The following MYT1L variants were observed in gnomAD, a reference collection of about 807,000 sequenced individuals.
The protein encoded by MYT1L is myelin transcription factor 1-like protein.
In MYT1L, 12 loss-of-function variants were observed where a neutral mutation model predicts 126.7. The ratio of observed to expected loss-of-function variants is 0.09; its 90% CI spans 0.06 to 0.15. The LOEUF (loss-of-function observed/expected upper bound fraction) is 0.15. Ranked by LOEUF, MYT1L falls within the 10% of genes least tolerant of loss-of-function variation. The pLI is 1.00. For missense variants in MYT1L, 979 were observed against 1,585.2 expected, an observed-to-expected ratio of 0.62 and a Z score of 6.49; for synonymous variants, 541 against 604.2, an observed-to-expected ratio of 0.90 and a Z score of 1.53.
rs2094067154 is a variant in MYT1L, at chr2:2,228,265, G to A, written c.-420-55277C>T. ...TCATTTAGCTTCATAATTACCTTAAGAGCACAAAGATGCAAAAGTCCATCA... is the reference window on the plus strand; with the variant it reads ...TCATTTAGCTTCATAATTACCTTAAAAGCACAAAGATGCAAAAGTCCATCA... On this transcript the variant is annotated intron_variant, in intron 2 of 24. Transcript: ENST00000647738. The surrounding 1 kb of genome is among the most constrained non-coding windows in gnomAD (Gnocchi z 5.9). 6.6e-6 allele frequency among the ~76,000 whole-genome samples: 1 copy of A among 152,082 alleles called. No homozygotes were observed. Among genetic ancestry groups the A allele is most frequent in the Non-Finnish European group, 1.5e-5 (1 of 68,026 alleles).
At chr2:2,208,327 G>A (rs919600421) in intron 2 of MYT1L, among the ~76,000 whole-genome samples, 11 of 152,102 alleles carry the variant, frequency 7.2e-5, no homozygotes, top group South Asian at 6.2e-4. Context: ...GAAATGTGGC[G>A]GTAAACGTGT....
chr2:2,045,495 G>A (rs2068068499), intron 4 of MYT1L, among the ~76,000 whole-genome samples: 1 of 152,200 alleles, frequency 6.6e-6, no homozygotes, highest in African/African-American at 2.4e-5. Context: ...ACCTGCTCAT[G>A]AAACTGTATT....
At chr2:1,850,711 G>A (rs144156906) in intron 19 of MYT1L, among the ~76,000 whole-genome samples, 28 of 152,158 alleles carry the variant, frequency 1.8e-4, no homozygotes, top group Admixed American at 1.5e-3. Flanking sequence ...CATCAGTGTC[G>A]GAGCATTTGG....
chr2:1,875,158 T>C (rs768941998), intron 18 of MYT1L, among the ~76,000 whole-genome samples: 7 of 152,206 alleles, frequency 4.6e-5, no homozygotes, highest in Non-Finnish European at 1.0e-4. Context: ...GCTTCTATGT[T>C]CCGGCGCAGG....
At chr2:1,881,700 C>T (rs1347161911) in intron 18 of MYT1L, among the ~76,000 whole-genome samples, 1 of 152,064 alleles carries the variant, frequency 6.6e-6, no homozygotes, top group Non-Finnish European at 1.5e-5. Context: ...GGGGAGGTGG[C>T]CACCACTGGG....
rs73179789 is a variant in MYT1L at position 2,283,149 on chromosome 2, C to T, written c.-421+1255G>A. 7.1e-3 allele frequency among the ~76,000 whole-genome samples: 1,082 copies of T among 152,282 alleles called. 15 individuals carry two copies. Among genetic ancestry groups the T allele is most frequent in the African/African-American group, 0.025 (1,033 of 41,560 alleles). On this transcript the variant is annotated intron_variant, in intron 2 of 24. Coordinates refer to ENST00000647738, the MANE Select transcript of MYT1L (RefSeq NM_001303052.2). ...AAGGGAAAAAGGAGTAAAGAACAAA[C>T]GGCACAGTTTGACCCATGTTAATTT...
chr2:2,086,544 A>C (rs2076368015), intron 3 of MYT1L, among the ~76,000 whole-genome samples: 1 of 152,210 alleles, frequency 6.6e-6, no homozygotes, highest in African/African-American at 2.4e-5. Context: ...TGTAATGAAT[A>C]AAACCTGAGA....
intron 21 of MYT1L, chr2:1,827,179 GC>G (rs2039479240): frequency 6.6e-6 from 1 of 152,466 alleles, no homozygotes; most frequent in African/African-American, 2.4e-5. Context: ...GGGGCTGCCA[GC>G]CCAGAATGGG....
At chr2:2,011,691 C>G (rs1358696910) in intron 4 of MYT1L, among the ~76,000 whole-genome samples, 2 of 152,138 alleles carry the variant, frequency 1.3e-5, no homozygotes, top group Non-Finnish European at 2.9e-5. Context: ...AATAGAATGA[C>G]AACCCAGTTA....
intron 4 of MYT1L, among the ~76,000 whole-genome samples, chr2:2,029,106 A>C (rs1042584357): frequency 6.6e-6 from 1 of 152,236 alleles, no homozygotes; most frequent in Non-Finnish European, 1.5e-5. Flanking sequence ...ACTCAGAATA[A>C]AGAATCTGAC....
intron 2 of MYT1L, among the ~76,000 whole-genome samples, chr2:2,259,875 A>G (rs2094918978): frequency 6.6e-6 from 1 of 152,210 alleles, no homozygotes; most frequent in African/African-American, 2.4e-5. Context: ...AGAAAGAAAA[A>G]GATGTGCACA....
At chr2:2,303,271 G>A (rs1413505358) in intron 1 of MYT1L, among the ~76,000 whole-genome samples, 1 of 152,160 alleles carries the variant, frequency 6.6e-6, no homozygotes, top group Non-Finnish European at 1.5e-5. Context: ...GTGGTTCCAC[G>A]GCATGCTCGG....
chr2:2,324,321 T>C (rs915545060), intron 1 of MYT1L: 2 of 152,258 alleles, frequency 1.3e-5, no homozygotes, highest in Admixed American at 1.3e-4. Flanking sequence ...CCTTCCATCT[T>C]AGGGACTCAC....
At chr2:2,257,036 T>C (rs1241103373) in intron 2 of MYT1L, among the ~76,000 whole-genome samples, 1 of 152,214 alleles carries the variant, frequency 6.6e-6, no homozygotes, top group Non-Finnish European at 1.5e-5. Flanking sequence ...CTGGAGAGCT[T>C]AGTGAACTAT....
chr2:1,965,010 G>A (rs1394227040), intron 8 of MYT1L, among the ~76,000 whole-genome samples: 1 of 152,238 alleles, frequency 6.6e-6, no homozygotes, highest in African/African-American at 2.4e-5. Flanking sequence ...ATGGCTGTGA[G>A]AGCTCTCAAA....
chr2:1,874,210 G>T (rs1202621135), intron 18 of MYT1L, among the ~76,000 whole-genome samples: 3 of 150,880 alleles, frequency 2.0e-5, no homozygotes, highest in Non-Finnish European at 4.4e-5. Context: ...TTTCCCCCAA[G>T]ATGAATTTTA....
intron 11 of MYT1L, among the ~76,000 whole-genome samples, chr2:1,914,245 CTCTG>C (rs1558380732): frequency 7.2e-5 from 11 of 151,842 alleles, no homozygotes. Flanking sequence ...CAGAGCGAGA[CTCTG>C]TCTAAAAAAA....
intron 4 of MYT1L, among the ~76,000 whole-genome samples, chr2:2,025,085 T>C (rs1215389792): frequency 6.6e-6 from 1 of 152,212 alleles, no homozygotes; most frequent in Non-Finnish European, 1.5e-5. Context: ...ATGTTCTGTG[T>C]TTTTAATTTT....
At chr2:1,798,756 G>A (rs1225886637) in intron 23 of MYT1L, among the ~76,000 whole-genome samples, 2 of 152,354 alleles carry the variant, frequency 1.3e-5, no homozygotes, top group East Asian at 3.9e-4. Flanking sequence ...GGGGCATGAA[G>A]GCTGCTGCAG....
Sources: gnomAD v4.1 joint callset for allele counts (sites outside exome capture counted in the v4.1 genomes callset) on GRCh38, gnomAD v4.1.1 for gene constraint, Gnocchi (gnomAD v3.1) non-coding constraint, MANE v1.5 for transcripts, NCBI Gene and HGNC (gene_info 2026-07-23, HGNC 2026-07-21) for gene names.